Variants in TIAM2 observed in about 807,000 individuals in gnomAD.
TIAM2 encodes the protein rho guanine nucleotide exchange factor TIAM2.
In TIAM2, 80 loss-of-function variants were observed where a neutral mutation model predicts 152.9. That is an observed-to-expected ratio of 0.52 (90% CI 0.44 to 0.63). The LOEUF (loss-of-function observed/expected upper bound fraction) is 0.63, where lower values mean the gene tolerates loss of function less well. Ranked by LOEUF, TIAM2 falls within the 30% of genes least tolerant of loss-of-function variation. TIAM2 has a pLI of 0.00. For missense variants in TIAM2, 1,965 were observed against 2,120.1 expected (o/e 0.93, Z 1.44); for synonymous variants, 804 against 838.0 (o/e 0.96, Z 0.70).
intron 19 of TIAM2, among the ~76,000 whole-genome samples, chr6:155,246,706 ACAGT>A (rs1783356869): frequency 1.3e-5 from 2 of 152,176 alleles, no homozygotes; most frequent in Admixed American, 6.5e-5. Context: ...ATACATATTG[ACAGT>A]CAGTGCAGTA....
At chr6:155,143,611 G>A (rs973678077) in intron 5 of TIAM2, among the ~76,000 whole-genome samples, 1 of 152,284 alleles carries the variant, frequency 6.6e-6, no homozygotes, top group African/African-American at 2.4e-5. Context: ...AAGTCCCCTA[G>A]GTATGTTCAG....
intron 12 of TIAM2, among the ~76,000 whole-genome samples, chr6:155,180,966 G>C (rs1780888696): frequency 6.6e-6 from 1 of 151,920 alleles, no homozygotes; most frequent in South Asian, 2.1e-4. Flanking sequence ...TCCTCCTCTT[G>C]GCCTTCACTG....
At chr6:155,127,987 C>T (rs1489392450) in intron 3 of TIAM2, among the ~76,000 whole-genome samples, 1 of 152,112 alleles carries the variant, frequency 6.6e-6, no homozygotes, top group African/African-American at 2.4e-5. Flanking sequence ...GGCAACATAG[C>T]AAGATCCCAC....
intron 9 of TIAM2, chr6:155,168,980 C>G: frequency 7.1e-7 from 1 of 1,400,716 alleles, no homozygotes; most frequent in Non-Finnish European, 9.6e-7. Flanking sequence ...CTAACTTTTT[C>G]TGTTTTTTTT....
intron 7 of TIAM2, among the ~76,000 whole-genome samples, chr6:155,158,291 C>T (rs2115086275): frequency 6.6e-6 from 1 of 152,334 alleles, no homozygotes; most frequent in East Asian, 1.9e-4. Context: ...CTCCCTCCCA[C>T]TTTACTACAG....
chr6:155,131,396 T>C (rs561256612), intron 4 of TIAM2, among the ~76,000 whole-genome samples: 48 of 151,916 alleles, frequency 3.2e-4, no homozygotes, highest in African/African-American at 1.0e-3. Flanking sequence ...CCTGAAAGAA[T>C]TGGTTATCTG....
intron 14 of TIAM2, among the ~76,000 whole-genome samples, chr6:155,203,971 C>A (rs77818797): frequency 2.6e-5 from 4 of 152,088 alleles, no homozygotes; most frequent in Non-Finnish European, 5.9e-5. Context: ...GCGCTGACCA[C>A]CAGGTGACAT....
At chr6:155,173,378 T>C (rs1331386342) in intron 9 of TIAM2, among the ~76,000 whole-genome samples, 1 of 152,102 alleles carries the variant, frequency 6.6e-6, no homozygotes, top group Admixed American at 6.5e-5. Context: ...CTCAGAGCAG[T>C]TGTAGCACAG....
chr6:155,182,131 T>G (rs1165366642), intron 12 of TIAM2, 95 bp from the exon 13 acceptor site: 2 of 1,001,712 alleles, frequency 2.0e-6, no homozygotes, highest in South Asian at 2.7e-5. Flanking sequence ...ACTGTACTTA[T>G]GAGAAAAGAT....
intron 1 of TIAM2, among the ~76,000 whole-genome samples, chr6:155,047,800 C>G (rs995848299): frequency 2.0e-5 from 3 of 151,766 alleles, no homozygotes; most frequent in Non-Finnish European, 4.4e-5. Flanking sequence ...TACTTTTTCT[C>G]TCTTCACTTC....
chr6:155,204,379 G>A (rs1412304980), intron 14 of TIAM2, among the ~76,000 whole-genome samples: 1 of 151,872 alleles, frequency 6.6e-6, no homozygotes, highest in Non-Finnish European at 1.5e-5. Flanking sequence ...CTTGGGACAA[G>A]GCCTGTAGAG....
intron 2 of TIAM2, among the ~76,000 whole-genome samples, chr6:155,125,577 G>A (rs868248439): frequency 6.6e-6 from 1 of 152,126 alleles, no homozygotes; most frequent in African/African-American, 2.4e-5. Flanking sequence ...GGTGGCTCAC[G>A]CCTGTTATCC....
intron 1 of TIAM2, among the ~76,000 whole-genome samples, chr6:155,073,158 T>TC (rs1777877883): frequency 7.6e-6 from 1 of 132,270 alleles, no homozygotes; most frequent in Admixed American, 7.7e-5. Context: ...TTGATTAAGT[T>TC]CTTTTTTTTT....
At chr6:155,170,075 C>G (rs1219848559) in intron 9 of TIAM2, among the ~76,000 whole-genome samples, 1 of 152,114 alleles carries the variant, frequency 6.6e-6, no homozygotes, top group African/African-American at 2.4e-5. Flanking sequence ...CCTCAGTCTC[C>G]CAAAGTGCCG....
At chr6:155,052,738 C>T (rs1173887371) in intron 1 of TIAM2, among the ~76,000 whole-genome samples, 1 of 111,860 alleles carries the variant, frequency 8.9e-6, no homozygotes, top group Non-Finnish European at 1.9e-5. Context: ...CACCAATGCA[C>T]TCTAAGCCTG....
chr6:155,217,542 A>G (rs1237226922), intron 15 of TIAM2, among the ~76,000 whole-genome samples: 1 of 152,266 alleles, frequency 6.6e-6, no homozygotes, highest in Non-Finnish European at 1.5e-5. Context: ...ATTGGGTTTA[A>G]TACTGTAAAA....
chr6:155,064,905 T>C (rs796705011), intron 1 of TIAM2, among the ~76,000 whole-genome samples: 19 of 133,832 alleles, frequency 1.4e-4, no homozygotes, highest in African/African-American at 4.6e-4. Context: ...TCTCCTCTCC[T>C]CTTCCCCAGA....
intron 1 of TIAM2, among the ~76,000 whole-genome samples, chr6:155,086,803 A>G (rs561048095): frequency 3.0e-4 from 45 of 152,210 alleles, no homozygotes; most frequent in African/African-American, 1.0e-3. Flanking sequence ...ATATGATGGA[A>G]AAGCAAGCCA....
In TIAM2 at chr6:155,029,032, A is replaced by G. The variant is rs201247419; in HGVS notation, c.-209+33540A>G. Among the ~76,000 whole-genome samples, 79 of 123,182 alleles carry G rather than the reference A, an allele frequency of 6.4e-4. 1 individual carries two copies. Among genetic ancestry groups the G allele is most frequent in the Non-Finnish European group, 1.0e-3 (60 of 58,000 alleles). The allele number at this position is 123,182 out of a possible 152,430, so 80.8% of individuals were successfully genotyped here. A position where few individuals can be genotyped will look rare whatever the true frequency, so the allele number is the denominator to read the frequency against. On this transcript the variant is annotated intron_variant, in intron 1 of 26. Transcript: ENST00000682666. ...ATACTATGTTATATATACACTGTAT[A>G]TACTATATATACTATGTTATATATA...
Sources: allele counts gnomAD v4.1 joint callset (sites outside exome capture counted in the v4.1 genomes callset), GRCh38; gene constraint gnomAD v4.1.1; transcripts MANE v1.5; gene names NCBI Gene and HGNC (gene_info 2026-07-23, HGNC 2026-07-21).